Variants in LEMD3 observed in about 807,000 individuals in gnomAD.
LEMD3 encodes the protein inner nuclear membrane protein Man1.
A neutral mutation model predicts 95.2 loss-of-function variants in LEMD3; 33 were observed. That is an observed-to-expected ratio of 0.35 (90% CI 0.26 to 0.46). LEMD3 has a LOEUF of 0.46. LEMD3 is among the 20% of genes least tolerant of loss of function. LEMD3 has a pLI of 1.00. For missense variants in LEMD3, 1,210 were observed against 1,192.8 expected, an observed-to-expected ratio of 1.01 and a Z score of -0.21; for synonymous variants, 525 against 474.6, an observed-to-expected ratio of 1.11 and a Z score of -1.38.
At chr12:65,204,411 ATAAG>A (rs1425667527) in intron 1 of LEMD3, among the ~76,000 whole-genome samples, 1 of 152,048 alleles carries the variant, frequency 6.6e-6, no homozygotes, top group African/African-American at 2.4e-5. Context: ...GCTCCCACTT[ATAAG>A]TGAGAACATA....
rs367781819 is a variant in LEMD3 at position 65,245,921 on chromosome 12, C to T, written c.2554C>T (p.His852Tyr). ...EYAGKAFKAL[H>Y]GSWFDGKLVT... ...TGCTGGAAAGGCTTTTAAAGCATTG[C>T]ATGGCTCTTGGTTTGATGGTAAGAA... Residue 852 changes from histidine to tyrosine, a missense_variant, in exon 12 of 13, where the codon CAT (histidine) becomes TAT (tyrosine). His to Tyr is a moderately conservative substitution (Grantham distance 83). Coordinates refer to ENST00000308330, the MANE Select transcript of LEMD3 (RefSeq NM_014319.5). The T allele has an allele frequency of 1.2e-5, 20 of 1,611,112 alleles. No individual in the cohort carries two copies. Among genetic ancestry groups the T allele is most frequent in the Non-Finnish European group, 1.6e-5 (19 of 1,177,982 alleles).
At position 65,247,648 on chromosome 12, in the gene LEMD3, T is replaced by C. The variant is rs1871156119; in HGVS notation, c.*1323T>C. The C allele has an allele frequency of 6.6e-6, 1 of 152,550 alleles. No homozygotes were observed. Among genetic ancestry groups the C allele is most frequent in the South Asian group, 2.1e-4 (1 of 4,828 alleles). 9.4% of individuals were successfully genotyped at this position (152,550 alleles called of 1,614,324 possible). A position where few individuals can be genotyped will look rare whatever the true frequency, so the allele number is the denominator to read the frequency against. On this transcript the variant is annotated 3_prime_UTR_variant, in exon 13 of 13. Coordinates refer to ENST00000308330, the MANE Select transcript of LEMD3 (RefSeq NM_014319.5). The stretch of plus-strand genomic sequence containing the variant: ...ATATAATTGTCAGTCCAAATGAATA[T>C]GTGAAACAGCTGGAATTGTACAAAT...
chr12:65,193,995 C>T (rs2136326152), intron 1 of LEMD3, among the ~76,000 whole-genome samples: 1 of 152,212 alleles, frequency 6.6e-6, no homozygotes, highest in Middle Eastern at 3.4e-3. Context: ...AAGCTGGTAA[C>T]TCAGAAGACA....
Position 65,238,821 on chromosome 12 carries a change from TG to T in LEMD3, c.1921+8del. ...TTATTGTTGTTATGCTTAGGTAAGTTGTAAAGATAAGAAATGAGATAAATTG... is the reference window on the plus strand; with the variant it reads ...TTATTGTTGTTATGCTTAGGTAAGTTTAAAGATAAGAAATGAGATAAATTG... On this transcript the variant is annotated splice_region_variant and intron_variant, in intron 6 of 12. Transcript: ENST00000308330. 6.2e-7 allele frequency: 1 copy of T among 1,613,950 alleles called. No individual in the cohort carries two copies. Among genetic ancestry groups the T allele is most frequent in the Non-Finnish European group, 8.5e-7 (1 of 1,179,878 alleles).
intron 1 of LEMD3, among the ~76,000 whole-genome samples, chr12:65,200,139 C>G (rs140568572): frequency 6.6e-6 from 1 of 151,908 alleles, no homozygotes; most frequent in African/African-American, 2.4e-5. Context: ...GACTGGTCAC[C>G]GGCCTAGTCT....
Position 65,245,553 on chromosome 12 carries a change from GT to G in LEMD3, c.2388-115del. On this transcript the variant is annotated intron_variant, in intron 10 of 12. Coordinates refer to ENST00000308330, the MANE Select transcript of LEMD3 (RefSeq NM_014319.5). ...CATTTACTTAATACCAATTAAAATC[GT>G]ATGTGGTTTTAAAACTATACCAATT... 5.3e-6 allele frequency: 4 copies of G among 760,298 alleles called. No homozygotes were observed. In the South Asian group the frequency reaches 6.0e-5, roughly 11 times the overall value. 47.1% of individuals were successfully genotyped at this position (760,298 alleles called of 1,614,324 possible).
Position 65,169,718 on chromosome 12 carries a change from A to G in LEMD3, c.122A>G (p.Lys41Arg). The G allele has an allele frequency of 2.5e-6, 4 of 1,587,188 alleles. No homozygotes were observed. The highest frequency in any genetic ancestry group is 3.4e-6 in the Non-Finnish European group (4 of 1,166,972). Reference protein sequence around the residue: ...VTESTRPVYLKKLKKLREEEQ... With the variant: ...VTESTRPVYLRKLKKLREEEQ... Reference sequence around the variant, plus strand: ...GAGAGCACCCGCCCGGTCTACCTCAAGAAGCTGAAGAAGCTTCGAGAGGAA... The same window carrying G: ...GAGAGCACCCGCCCGGTCTACCTCAGGAAGCTGAAGAAGCTTCGAGAGGAA... Residue 41 changes from lysine to arginine, a missense_variant, in exon 1 of 13, where the codon AAG (lysine) becomes AGG (arginine). Transcript: ENST00000308330.
chr12:65,245,657 A>G lies in LEMD3; in HGVS notation c.2388-12A>G, dbSNP rs752248386. ...AATATGGTTGTTGATTTTTGTTTTC[A>G]TTAACTTTTAGGGAAATAGGGGATC... On this transcript the variant is annotated splice_polypyrimidine_tract_variant and intron_variant, in intron 10 of 12. Transcript: ENST00000308330. The G allele has an allele frequency of 1.7e-5, 27 of 1,601,860 alleles. No individual in the cohort carries two copies. Among genetic ancestry groups the G allele is most frequent in the Middle Eastern group, 1.7e-4 (1 of 6,052 alleles).
rs75612273 is a variant in LEMD3 at position 65,243,866 on chromosome 12, G to A, written c.2387+397G>A. ...GCTTACAAATTTCAAATCTCAAATT[G>A]TAAAAAGTTTCCTACAAAGATGTAT... On this transcript the variant is annotated intron_variant, in intron 10 of 12. Coordinates refer to ENST00000308330, the MANE Select transcript of LEMD3 (RefSeq NM_014319.5). Among the ~76,000 whole-genome samples, 885 of 152,230 alleles carry A rather than the reference G, an allele frequency of 5.8e-3. 40 individuals are homozygous for A. In the East Asian group the frequency reaches 0.13, roughly 23 times the overall value.
Position 65,170,601 on chromosome 12 carries a change from A to G in LEMD3, c.1005A>G (p.Glu335=). Residue 335 remains glutamate, a synonymous_variant, in exon 1 of 13, where the codon GAA becomes GAG. Coordinates refer to ENST00000308330, the MANE Select transcript of LEMD3 (RefSeq NM_014319.5). ...AGSLDRSRNL[E]EAAAAEQGGG... Reference sequence around the variant, plus strand: ...GTCTAGACAGGAGCCGAAACCTCGAAGAGGCGGCGGCCGCGGAGCAGGGAG... The same window carrying G: ...GTCTAGACAGGAGCCGAAACCTCGAGGAGGCGGCGGCCGCGGAGCAGGGAG... 1 of 1,613,962 alleles carries G rather than the reference A, an allele frequency of 6.2e-7. No homozygotes were observed. The highest frequency in any genetic ancestry group is 8.5e-7 in the Non-Finnish European group (1 of 1,179,948).
intron 1 of LEMD3, among the ~76,000 whole-genome samples, chr12:65,182,405 G>T (rs550992257): frequency 1.4e-4 from 21 of 152,126 alleles, no homozygotes; most frequent in Non-Finnish European, 2.8e-4. Flanking sequence ...AATATTATAA[G>T]ATAGGACTTA....
intron 1 of LEMD3, among the ~76,000 whole-genome samples, chr12:65,178,398 T>C (rs1011370217): frequency 1.3e-5 from 2 of 152,192 alleles, no homozygotes; most frequent in Non-Finnish European, 2.9e-5. Context: ...TCTACAGATA[T>C]ATCCACGGAG....
At chr12:65,237,774 A>G (rs951200679) in intron 4 of LEMD3, among the ~76,000 whole-genome samples, 2 of 152,358 alleles carry the variant, frequency 1.3e-5, no homozygotes, top group Admixed American at 1.3e-4. Flanking sequence ...TTTTACTTGA[A>G]TGCTCAAATC....
At position 65,200,917 on chromosome 12, in the gene LEMD3, G is replaced by C. The variant is rs138247073; in HGVS notation, c.1523-10009G>C. ...CTAGATTCTCTTTTATCTTCTAGGAGTTTTATAGTTTTGTGTTTGATATGT... is the reference window on the plus strand; with the variant it reads ...CTAGATTCTCTTTTATCTTCTAGGACTTTTATAGTTTTGTGTTTGATATGT... On this transcript the variant is annotated intron_variant, in intron 1 of 12. Transcript: ENST00000308330. 1.4e-3 allele frequency among the ~76,000 whole-genome samples: 214 copies of C among 152,160 alleles called. 1 individual carries two copies. The highest frequency in any genetic ancestry group is 5.0e-3 in the African/African-American group (209 of 41,532).
intron 3 of LEMD3, among the ~76,000 whole-genome samples, chr12:65,218,121 T>G (rs1203440881): frequency 6.6e-6 from 1 of 152,214 alleles, no homozygotes; most frequent in Non-Finnish European, 1.5e-5. Context: ...AGAATAGATG[T>G]GTAAGTTAAG....
chr12:65,195,130 G>A (rs1869389378), intron 1 of LEMD3, among the ~76,000 whole-genome samples: 1 of 151,928 alleles, frequency 6.6e-6, no homozygotes, highest in Non-Finnish European at 1.5e-5. Context: ...CTGTATTTTT[G>A]ACCCATGGTT....
At chr12:65,195,600 A>G (rs1869405327) in intron 1 of LEMD3, among the ~76,000 whole-genome samples, 1 of 152,152 alleles carries the variant, frequency 6.6e-6, no homozygotes, top group Non-Finnish European at 1.5e-5. Context: ...TAGAGCATTT[A>G]TATCTCAAAG....
chr12:65,193,977 T>C (rs1440948162), intron 1 of LEMD3, among the ~76,000 whole-genome samples: 1 of 152,152 alleles, frequency 6.6e-6, no homozygotes, highest in African/African-American at 2.4e-5. Flanking sequence ...ATGCTCGTAT[T>C]ATACTTAAAG....
chr12:65,230,943 C>T (rs1870606596), intron 4 of LEMD3, among the ~76,000 whole-genome samples: 1 of 152,076 alleles, frequency 6.6e-6, no homozygotes, highest in South Asian at 2.1e-4. Context: ...TGAGAGTTAT[C>T]ATGAAGAGAT....
Sources: allele counts gnomAD v4.1 joint callset (sites outside exome capture counted in the v4.1 genomes callset), GRCh38; gene constraint gnomAD v4.1.1; transcripts MANE v1.5; gene names NCBI Gene and HGNC (gene_info 2026-07-23, HGNC 2026-07-21).